The following TMEM156 variants were observed in gnomAD, a reference collection of about 807,000 sequenced individuals.
TMEM156 encodes transmembrane protein 156.
TMEM156 carries 28 observed loss-of-function variants against 30.5 expected under a neutral mutation model. The observed-to-expected ratio is 0.92, with a 90% confidence interval of 0.68 to 1.26. The LOEUF is 1.26. Ranked by LOEUF, TMEM156 falls within the 50% of genes most tolerant of loss-of-function variation. The probability of loss-of-function intolerance (pLI) is 0.00; values close to 1 mark genes in which losing one functional copy is unlikely to be tolerated. For missense variants in TMEM156, 351 were observed against 340.6 expected, an observed-to-expected ratio of 1.03 and a Z score of -0.24; for synonymous variants, 137 against 119.9, an observed-to-expected ratio of 1.14 and a Z score of -0.93.
At position 38,989,056 on chromosome 4, in the gene TMEM156, C is replaced by T. The variant is rs976900070; in HGVS notation, c.620-86G>A. 9.6e-6 allele frequency: 13 copies of T among 1,355,884 alleles called. No individual in the cohort carries two copies. In the African/African-American group the frequency reaches 1.9e-4, roughly 20 times the overall value. The allele number at this position is 1,355,884 out of a possible 1,614,324, so 84.0% of individuals were successfully genotyped here. ...GTGGCAGTGTAGCTGAGTTCTACAA[C>T]ATATTCTGCCCTGAATTGAAAAGCT... is the stretch of plus-strand genomic sequence containing the variant. On this transcript the variant is annotated intron_variant, in intron 3 of 6. Transcript: ENST00000381938.
chr4:39,002,402 G>A lies in TMEM156; in HGVS notation c.89-3493C>T, dbSNP rs1474517528. Among the ~76,000 whole-genome samples the A allele has an allele frequency of 1.4e-3, 198 of 144,190 alleles. 1 individual carries two copies. The highest frequency in any genetic ancestry group is 4.8e-3 in the African/African-American group (191 of 40,184). The allele number at this position is 144,190 out of a possible 152,430, so 94.6% of individuals were successfully genotyped here. A position where few individuals can be genotyped will look rare whatever the true frequency, so the allele number is the denominator to read the frequency against. On this transcript the variant is annotated intron_variant, in intron 1 of 6. Coordinates refer to ENST00000381938, the MANE Select transcript of TMEM156 (RefSeq NM_024943.3). ...GGAAACGACAGGTGCTGGAGAGGAT[G>A]TGGAGAAATAGGAACACTTTTACAC...
intron 3 of TMEM156, among the ~76,000 whole-genome samples, chr4:38,992,717 T>TATAATA (rs1712591539): frequency 2.3e-5 from 1 of 43,454 alleles, no homozygotes; most frequent in African/African-American, 6.8e-5. Context: ...ATATATTATA[T>TATAATA]ATATATAATA....
intron 5 of TMEM156, among the ~76,000 whole-genome samples, chr4:38,976,057 CG>C (rs1722835692): frequency 6.6e-6 from 1 of 151,838 alleles, no homozygotes; most frequent in Non-Finnish European, 1.5e-5. Flanking sequence ...GAGGCCAAGG[CG>C]GGAGGATCAC....
chr4:39,027,572 T>C (rs1415540719), intron 1 of TMEM156, among the ~76,000 whole-genome samples: 2 of 142,670 alleles, frequency 1.4e-5, no homozygotes, highest in Admixed American at 1.4e-4. Context: ...TTTTTTTTTT[T>C]TGAGACGGAG....
At chr4:39,008,744 C>G (rs1172236384) in intron 1 of TMEM156, among the ~76,000 whole-genome samples, 1 of 152,090 alleles carries the variant, frequency 6.6e-6, no homozygotes, top group Non-Finnish European at 1.5e-5. Context: ...TCTACTACAA[C>G]ATCTAGGTTA....
chr4:39,003,083 C>A (rs1053981737), intron 1 of TMEM156, among the ~76,000 whole-genome samples: 4 of 151,670 alleles, frequency 2.6e-5, no homozygotes, highest in African/African-American at 4.8e-5. Context: ...TACTCATATA[C>A]CTTGCTTCAA....
At chr4:39,025,345 CA>C (rs59380844) in intron 1 of TMEM156, among the ~76,000 whole-genome samples, 6,085 of 65,636 alleles carry the variant, frequency 0.093, 83 homozygotes, top group South Asian at 0.29. Flanking sequence ...AAGACTGTCT[CA>C]AAAAAAAAAA....
chr4:38,979,915 T>C (rs1307344439), intron 5 of TMEM156, among the ~76,000 whole-genome samples: 1 of 152,234 alleles, frequency 6.6e-6, no homozygotes, highest in East Asian at 1.9e-4. Context: ...ACTTCAATAT[T>C]GCTATACATC....
chr4:38,986,306 G>A (rs1711975198), intron 5 of TMEM156, 30 bp downstream of exon 5: 1 of 1,515,294 alleles, frequency 6.6e-7, no homozygotes, highest in Non-Finnish European at 9.2e-7. Flanking sequence ...TTTCCTGAGT[G>A]CTGTTTTGTT....
chr4:38,975,335 CTAGAAGTTCCTAG>C (rs1275111923), intron 5 of TMEM156, among the ~76,000 whole-genome samples: 2 of 151,594 alleles, frequency 1.3e-5, no homozygotes, highest in Admixed American at 1.3e-4. Context: ...CAGTCTCACA[CTAGAAGTTCCTAG>C]CAGTCTGTGA....
At chr4:39,012,960 A>T (rs1371647082) in intron 1 of TMEM156, among the ~76,000 whole-genome samples, 1 of 150,250 alleles carries the variant, frequency 6.7e-6, no homozygotes, top group Non-Finnish European at 1.5e-5. Context: ...AAAGGAAAGA[A>T]AAAAAGAAAG....
intron 3 of TMEM156, among the ~76,000 whole-genome samples, chr4:38,992,715 T>TATATATATA (rs1560366914): frequency 0.011 from 486 of 43,254 alleles, 7 homozygotes; most frequent in African/African-American, 0.031. Flanking sequence ...ATATATATTA[T>TATATATATA]ATATATATAA....
At chr4:38,994,368 C>T (rs1712770750) in intron 2 of TMEM156, among the ~76,000 whole-genome samples, 1 of 152,144 alleles carries the variant, frequency 6.6e-6, no homozygotes, top group South Asian at 2.1e-4. Flanking sequence ...TCAAGGGATC[C>T]TCCCTCCTCA....
intron 5 of TMEM156, among the ~76,000 whole-genome samples, chr4:38,984,394 C>T (rs1448387652): frequency 6.7e-6 from 1 of 148,196 alleles, no homozygotes; most frequent in Non-Finnish European, 1.5e-5. Context: ...TTGAACAATA[C>T]TCACTTTTAA....
intron 1 of TMEM156, among the ~76,000 whole-genome samples, chr4:39,000,913 T>C (rs1713297711): frequency 6.6e-6 from 1 of 152,062 alleles, no homozygotes; most frequent in Non-Finnish European, 1.5e-5. Context: ...TTAAATTAAA[T>C]GCAAACCTAT....
intron 1 of TMEM156, among the ~76,000 whole-genome samples, chr4:39,027,431 T>G (rs527509123): frequency 1.3e-5 from 2 of 152,128 alleles, no homozygotes; most frequent in South Asian, 4.1e-4. Flanking sequence ...TCACAAAGCG[T>G]GAAAGAGAAG....
At chr4:38,988,107 C>T (rs962224220) in intron 4 of TMEM156, among the ~76,000 whole-genome samples, 4 of 152,028 alleles carry the variant, frequency 2.6e-5, no homozygotes, top group African/African-American at 9.7e-5. Context: ...GTCCTGATTC[C>T]TAATTTCTAA....
intron 1 of TMEM156, among the ~76,000 whole-genome samples, chr4:39,013,373 GTTTATTTATTTATTTATTTATTTATTTA>G (rs71192811): frequency 1.8e-4 from 25 of 141,314 alleles, no homozygotes; most frequent in African/African-American, 6.5e-4. Flanking sequence ...GACATAATTG[GTTTATTTATTTATTTATTTATTTATTTA>G]TTTATTTATT....
rs374846893 is a variant in TMEM156, at chr4:38,993,785, G to C, written c.572C>G (p.Pro191Arg). 6.2e-7 allele frequency: 1 copy of C among 1,612,814 alleles called. No individual in the cohort carries two copies. The change falls in exon 3 of 7, where the codon CCG becomes CGG. Residue 191 changes from proline to arginine, a missense_variant. By Grantham distance (103) the Pro-to-Arg change is moderately radical. Coordinates refer to ENST00000381938, the MANE Select transcript of TMEM156 (RefSeq NM_024943.3). The stretch of plus-strand genomic sequence containing the variant: ...CAAAGAAATGTGTATACAATCATTC[G>C]GGTATTCCATGATTCTACAAGTGTA... ...INYTCRIMEY[P>R]NDCIHISLHL...
Sources: gnomAD v4.1 joint callset for allele counts (sites outside exome capture counted in the v4.1 genomes callset) on GRCh38, gnomAD v4.1.1 for gene constraint, MANE v1.5 for transcripts, NCBI Gene and HGNC (gene_info 2026-07-23, HGNC 2026-07-21) for gene names.